DCAF6: variants seen among roughly 807,000 people sequenced by gnomAD.
DCAF6 encodes the protein DDB1 and CUL4 associated factor 6, also known as DDB1- and CUL4-associated factor 6.
DCAF6 carries 54 observed loss-of-function variants against 125.1 expected under a neutral mutation model. The observed-to-expected ratio is 0.43, with a 90% CI of 0.35 to 0.54. The LOEUF is 0.54. Among genes scored for constraint, DCAF6 ranks in the 20% least tolerant of loss-of-function variants. The pLI, the probability that DCAF6 is intolerant of heterozygous loss-of-function variation, is 0.01. For missense variants in DCAF6, 934 were observed against 1,161.7 expected (o/e 0.80, Z 2.85); for synonymous variants, 371 against 390.4 (o/e 0.95, Z 0.58).
At chr1:167,965,412 G>A (rs1240381303) in intron 2 of DCAF6, among the ~76,000 whole-genome samples, 1 of 152,170 alleles carries the variant, frequency 6.6e-6, no homozygotes, top group Non-Finnish European at 1.5e-5. Flanking sequence ...CAGTGGGTAG[G>A]CTGTGGTGAA....
rs771832631 is a variant in DCAF6 at position 168,004,664 on chromosome 1, A to G, written c.1249A>G (p.Met417Val). The G allele has an allele frequency of 4.4e-5, 71 of 1,613,804 alleles. No individual in the cohort carries two copies. Among genetic ancestry groups the G allele is most frequent in the Non-Finnish European group, 5.7e-5 (67 of 1,179,924 alleles). The stretch of plus-strand genomic sequence containing the variant: ...TCTTCAGCCTTCTACATCCTCTACA[A>G]TGTCAGCTCAGGCTCATTCGACATC... ...QFLQPSTSST[M>V]SAQAHSTSSP... The change falls in exon 10 of 22, where the codon ATG becomes GTG. Residue 417 changes from methionine (M) to valine (V), a missense_variant. This residue lies in a region of DCAF6 where 559 missense variants were observed against 635.5 expected (regional missense o/e 0.88). Transcript: ENST00000367840.
At chr1:168,020,470 A>T (rs1685538271) in intron 11 of DCAF6, among the ~76,000 whole-genome samples, 1 of 152,224 alleles carries the variant, frequency 6.6e-6, no homozygotes, top group Non-Finnish European at 1.5e-5. Flanking sequence ...GTAATTGACC[A>T]TGAGACATGC....
the DCAF6 span, chr1:167,924,385 A>G: frequency 5.0e-6 from 4 of 792,540 alleles, no homozygotes; most frequent in Non-Finnish European, 8.0e-6. Flanking sequence ...AATCATCTAG[A>G]GGCATACCAA....
intron 17 of DCAF6, among the ~76,000 whole-genome samples, chr1:168,057,057 A>G (rs1394380591): frequency 6.6e-6 from 1 of 152,134 alleles, no homozygotes; most frequent in African/African-American, 2.4e-5. Context: ...AAGTCATTTC[A>G]TTCCTGGTCC....
At chr1:167,992,252 T>TACACACACACACACACACACACACACAC (rs761598229) in intron 6 of DCAF6, among the ~76,000 whole-genome samples, 1 of 143,092 alleles carries the variant, frequency 7.0e-6, no homozygotes, top group Admixed American at 7.1e-5. Context: ...AGGCCAGGAT[T>TACACACACACACACACACACACACACAC]ACACACACAC....
At chr1:167,891,421 C>T in the DCAF6 span, among the ~76,000 whole-genome samples, 1 of 151,764 alleles carries the variant, frequency 6.6e-6, no homozygotes, top group African/African-American at 2.4e-5. Context: ...CTTTGGGAGG[C>T]TGAGGCGGGA....
rs764397763 is a variant in DCAF6 at position 168,065,755 on chromosome 1, T to G, written c.2596+9T>G. On this transcript the variant is annotated intron_variant, in intron 19 of 21. Transcript: ENST00000367840. ...ACATCCGTTTGACCCAAGTAAGATATCTTTTCTAGGACGAGGGCTAGAAAT... is the reference window on the plus strand; with the variant it reads ...ACATCCGTTTGACCCAAGTAAGATAGCTTTTCTAGGACGAGGGCTAGAAAT... The G allele has an allele frequency of 6.2e-7, 1 of 1,607,686 alleles. No homozygotes were observed. Among genetic ancestry groups the G allele is most frequent in the East Asian group, 2.2e-5 (1 of 44,798 alleles).
At chr1:167,984,995 CAA>C in intron 4 of DCAF6, among the ~76,000 whole-genome samples, 1 of 152,106 alleles carries the variant, frequency 6.6e-6, no homozygotes, top group Middle Eastern at 3.2e-3. Context: ...TGACAGCAGA[CAA>C]GAGAAGAGAG....
intron 21 of DCAF6, among the ~76,000 whole-genome samples, chr1:168,070,870 A>G (rs1692935121): frequency 6.6e-6 from 1 of 152,186 alleles, no homozygotes; most frequent in Non-Finnish European, 1.5e-5. Flanking sequence ...ACATGTTCTT[A>G]GGGTAGAGTC....
Position 167,949,045 on chromosome 1 carries a change from T to C in DCAF6, c.98-2755T>C, listed in dbSNP as rs150805154. On this transcript the variant is annotated intron_variant, in intron 1 of 21. Coordinates refer to ENST00000367840, the MANE Select transcript of DCAF6 (RefSeq NM_001198956.2). ...ATTCACTGATTCAGCAAACGTATAT[T>C]GAATGCATACTTTGTGGCAGGCACT... is the stretch of plus-strand genomic sequence containing the variant. Among the ~76,000 whole-genome samples, 831 of 152,366 alleles carry C rather than the reference T, an allele frequency of 5.5e-3. 9 individuals carry two copies. Among genetic ancestry groups the C allele is most frequent in the African/African-American group, 0.018 (754 of 41,578 alleles).
intron 10 of DCAF6, among the ~76,000 whole-genome samples, chr1:168,008,319 C>T (rs1683651015): frequency 1.3e-5 from 2 of 152,252 alleles, no homozygotes; most frequent in Middle Eastern, 3.4e-3. Context: ...TTAATGCAGC[C>T]TCCTACCCTT....
intron 7 of DCAF6, 93 bp downstream of exon 7, chr1:167,993,533 T>A: frequency 9.8e-7 from 1 of 1,019,016 alleles, no homozygotes; most frequent in Admixed American, 2.2e-5. Context: ...GTGGATCACC[T>A]GCGGTTGGGA....
chr1:167,998,752 C>G (rs1323936866), intron 7 of DCAF6: 1 of 153,404 alleles, frequency 6.5e-6, no homozygotes, highest in Non-Finnish European at 1.5e-5. Flanking sequence ...TTAGTTTTAT[C>G]ATGAGATTGC....
chr1:167,889,821 T>C, the DCAF6 span, among the ~76,000 whole-genome samples: 1 of 152,232 alleles, frequency 6.6e-6, no homozygotes, highest in African/African-American at 2.4e-5. Context: ...TTTATTGGCA[T>C]ATAATTGCTC....
At chr1:167,996,595 C>T (rs150836904) in intron 7 of DCAF6, among the ~76,000 whole-genome samples, 5 of 152,288 alleles carry the variant, frequency 3.3e-5, no homozygotes, top group Admixed American at 6.5e-5. Context: ...TAAATCATGC[C>T]GCTCTTCTCA....
At chr1:168,008,618 TTCAGAAGTTCC>T (rs1683697975) in intron 10 of DCAF6, among the ~76,000 whole-genome samples, 1 of 152,060 alleles carries the variant, frequency 6.6e-6, no homozygotes, top group Non-Finnish European at 1.5e-5. Flanking sequence ...TTTAAATCCC[TTCAGAAGTTCC>T]TAATTGCATT....
At chr1:167,869,258 T>A in the DCAF6 span, among the ~76,000 whole-genome samples, 1 of 152,206 alleles carries the variant, frequency 6.6e-6, no homozygotes, top group Non-Finnish European at 1.5e-5. Flanking sequence ...TTGCTGCCTG[T>A]ACTTCTTCAA....
At chr1:167,877,878 A>G in the DCAF6 span, among the ~76,000 whole-genome samples, 6 of 152,106 alleles carry the variant, frequency 3.9e-5, no homozygotes, top group Non-Finnish European at 8.8e-5. Context: ...AACCCAGAGG[A>G]GGGGGAACAG....
chr1:167,916,915 G>C, the DCAF6 span: 2 of 152,224 alleles, frequency 1.3e-5, no homozygotes, highest in African/African-American at 4.8e-5. Flanking sequence ...TGTGGCCTAT[G>C]TCAAGCTCTC....
Sources: gnomAD v4.1 joint callset for allele counts (sites outside exome capture counted in the v4.1 genomes callset) on GRCh38, gnomAD v4.1.1 for gene constraint, gnomAD v4.1.1 regional missense constraint, MANE v1.5 for transcripts, NCBI Gene and HGNC (gene_info 2026-07-23, HGNC 2026-07-21) for gene names.